TAGLN3: variants seen among roughly 807,000 people sequenced by gnomAD.
TAGLN3 encodes the protein transgelin-3.
Under a neutral mutation model 25.4 loss-of-function variants are expected in TAGLN3, and 12 were observed. That is an observed-to-expected ratio of 0.47 (90% CI 0.30 to 0.77). The LOEUF is 0.77. TAGLN3 is among the 30% of genes least tolerant of loss of function. The pLI is 0.06. For synonymous variants in TAGLN3, 96 were observed against 94.8 expected (o/e 1.01, Z -0.08); for missense variants, 218 against 255.8 (o/e 0.85, Z 1.01).
At chr3:111,999,210 A>G in intron 1 of TAGLN3, 96 bp downstream of exon 1, 1 of 528,098 alleles carries the variant, frequency 1.9e-6, no homozygotes, top group South Asian at 2.6e-5. Flanking sequence ...TTCTAGAGTT[A>G]CTGGCGGGTA....
intron 3 of TAGLN3, among the ~76,000 whole-genome samples, chr3:112,001,527 A>G (rs1367162848): frequency 6.6e-6 from 1 of 152,232 alleles, no homozygotes; most frequent in African/African-American, 2.4e-5. Flanking sequence ...ACACTCCTGG[A>G]TGTATTTAAT....
At position 111,999,509 on chromosome 3, in the gene TAGLN3, G is replaced by A. The variant is rs746289605; in HGVS notation, c.87G>A (p.Lys29=). The A allele has an allele frequency of 1.2e-6, 2 of 1,614,220 alleles. No individual in the cohort carries two copies. The highest frequency in any genetic ancestry group is 2.2e-5 in the South Asian group (2 of 91,080). ...AGTATGATGCGGACCTGGAGAACAAGCTGGTGGACTGGATCATCCTGCAGT... is the reference window on the plus strand; with the variant it reads ...AGTATGATGCGGACCTGGAGAACAAACTGGTGGACTGGATCATCCTGCAGT... The part of the protein sequence containing the change: ...EQKYDADLEN[K]LVDWIILQCA... Residue 29 remains lysine, a synonymous_variant, in exon 2 of 5, where the codon AAG becomes AAA. Transcript: ENST00000478951.
intron 2 of TAGLN3, 94 bp from the exon 3 acceptor site, chr3:112,000,678 T>G: frequency 7.2e-7 from 1 of 1,387,534 alleles, no homozygotes; most frequent in Non-Finnish European, 1.0e-6. Context: ...CCAAACTGGA[T>G]GAGCAGTGTC....
At chr3:112,006,432 C>G (rs75503947) in intron 3 of TAGLN3, among the ~76,000 whole-genome samples, 1 of 152,260 alleles carries the variant, frequency 6.6e-6, no homozygotes, top group African/African-American at 2.4e-5. Context: ...TTGACTGTTG[C>G]AATATTTTGG....
chr3:112,012,614 T>C (rs1274120331), intron 4 of TAGLN3, among the ~76,000 whole-genome samples: 2 of 151,860 alleles, frequency 1.3e-5, no homozygotes, highest in African/African-American at 2.4e-5. Context: ...TCCTTGACAG[T>C]TATTAAAAAA....
intron 3 of TAGLN3, among the ~76,000 whole-genome samples, chr3:112,007,428 C>A (rs966074875): frequency 2.6e-5 from 4 of 152,180 alleles, no homozygotes; most frequent in Admixed American, 2.6e-4. Context: ...CCCTGGCAAC[C>A]ACTGATCTTT....
At chr3:112,007,490 T>A (rs2072930467) in intron 3 of TAGLN3, among the ~76,000 whole-genome samples, 1 of 152,226 alleles carries the variant, frequency 6.6e-6, no homozygotes, top group East Asian at 1.9e-4. Flanking sequence ...GTAGGAATCA[T>A]ACAGTATGTA....
chr3:112,008,268 G>A (rs1031980158), intron 3 of TAGLN3, among the ~76,000 whole-genome samples: 1 of 152,156 alleles, frequency 6.6e-6, no homozygotes, highest in African/African-American at 2.4e-5. Flanking sequence ...ATGACACTTG[G>A]TTGTGATACG....
chr3:112,013,333 C>T, intron 4 of TAGLN3, 77 bp from the exon 5 acceptor site: 1 of 1,536,616 alleles, frequency 6.5e-7, no homozygotes, highest in Non-Finnish European at 8.8e-7. Context: ...CCCAGCAGAG[C>T]CTGTCTAATT....
chr3:112,010,705 A>C (rs1261475921), intron 3 of TAGLN3, among the ~76,000 whole-genome samples: 1 of 152,198 alleles, frequency 6.6e-6, no homozygotes, highest in Non-Finnish European at 1.5e-5. Context: ...ACAGGGCCTC[A>C]GGATTCAGGC....
chr3:112,011,139 T>A (rs2072971322), intron 3 of TAGLN3, among the ~76,000 whole-genome samples: 1 of 152,156 alleles, frequency 6.6e-6, no homozygotes, highest in Admixed American at 6.5e-5. Flanking sequence ...TTAGGACAGG[T>A]CAGTCAACTG....
rs142699199 is a variant in TAGLN3 at position 112,013,263 on chromosome 3, A to G, written c.459-147A>G. 4.9e-6 allele frequency: 5 copies of G among 1,021,368 alleles called. No individual in the cohort carries two copies. In the African/African-American group the frequency reaches 6.9e-5, roughly 14 times the overall value. 63.3% of individuals were successfully genotyped at this position (1,021,368 alleles called of 1,614,324 possible). On this transcript the variant is annotated intron_variant, in intron 4 of 4. Coordinates refer to ENST00000478951, the MANE Select transcript of TAGLN3 (RefSeq NM_001008272.2). ...AGTGCAGGGTAGGGCCATAGCTCAG[A>G]GTAGGGCCATAGCTCATAACCACAG...
chr3:112,013,047 AAG>A (rs1456120942), intron 4 of TAGLN3, among the ~76,000 whole-genome samples: 2 of 152,136 alleles, frequency 1.3e-5, no homozygotes, highest in Non-Finnish European at 2.9e-5. Context: ...AGTGGGGAGA[AAG>A]AGAAACAAGA....
At chr3:112,009,574 A>G (rs1347818448) in intron 3 of TAGLN3, among the ~76,000 whole-genome samples, 1 of 152,196 alleles carries the variant, frequency 6.6e-6, no homozygotes, top group Non-Finnish European at 1.5e-5. Flanking sequence ...ACATTCAGAC[A>G]GGTCTGATCT....
chr3:111,999,678 G>T, intron 2 of TAGLN3, 76 bp downstream of exon 2: 1 of 1,538,830 alleles, frequency 6.5e-7, no homozygotes, highest in Non-Finnish European at 8.8e-7. Flanking sequence ...TTAACGTAAG[G>T]CTGCGGGAAG....
intron 3 of TAGLN3, among the ~76,000 whole-genome samples, chr3:112,006,796 G>A (rs2072921627): frequency 6.6e-6 from 1 of 152,098 alleles, no homozygotes; most frequent in African/African-American, 2.4e-5. Context: ...TACCTTGGAA[G>A]TAATAAAGAA....
chr3:112,013,393 TC>T lies in TAGLN3; in HGVS notation c.459-16del. 6.2e-7 allele frequency: 1 copy of T among 1,605,274 alleles called. No individual in the cohort carries two copies. Among genetic ancestry groups the T allele is most frequent in the Admixed American group, 1.7e-5 (1 of 58,982 alleles). ...ACTGTCATAATGACATTATTCCCTC[TC>T]ACTTTCCTTGTCCAGGAAAGCCCAG... On this transcript the variant is annotated splice_polypyrimidine_tract_variant and intron_variant, in intron 4 of 4. Coordinates refer to ENST00000478951, the MANE Select transcript of TAGLN3 (RefSeq NM_001008272.2).
At chr3:112,001,249 C>G (rs2072856382) in intron 3 of TAGLN3, among the ~76,000 whole-genome samples, 3 of 152,150 alleles carry the variant, frequency 2.0e-5, no homozygotes, top group Admixed American at 2.0e-4. Flanking sequence ...TTACCACTCC[C>G]ATAACAAATC....
At chr3:112,011,914 A>T in intron 4 of TAGLN3, 49 bp downstream of exon 4, 1 of 1,574,046 alleles carries the variant, frequency 6.4e-7, no homozygotes, top group Non-Finnish European at 8.7e-7. Context: ...TTTTAACCAG[A>T]GGGAGGGTCT....
Sources: gnomAD v4.1 joint callset for allele counts (sites outside exome capture counted in the v4.1 genomes callset) on GRCh38, gnomAD v4.1.1 for gene constraint, MANE v1.5 for transcripts, NCBI Gene and HGNC (gene_info 2026-07-23, HGNC 2026-07-21) for gene names.